ADH6: variants seen among roughly 807,000 people sequenced by gnomAD.
The protein encoded by ADH6 is alcohol dehydrogenase 6.
In ADH6, 34 loss-of-function variants were observed where a neutral mutation model predicts 36.5. The ratio of observed to expected loss-of-function variants is 0.93; its 90% CI spans 0.71 to 1.24. The LOEUF (loss-of-function observed/expected upper bound fraction) is 1.24. ADH6 is among the 50% of genes most tolerant of loss of function. ADH6 has a pLI of 0.00. For synonymous variants in ADH6, 161 were observed against 155.5 expected (o/e 1.04, Z -0.26); for missense variants, 440 against 447.0 (o/e 0.98, Z 0.14).
intron 7 of ADH6, among the ~76,000 whole-genome samples, chr4:99,206,776 T>C (rs769238920): frequency 2.0e-5 from 3 of 152,102 alleles, no homozygotes; most frequent in Non-Finnish European, 2.9e-5. Flanking sequence ...AATACATTTC[T>C]TCGTAAATTT....
At chr4:99,207,408 T>C in intron 7 of ADH6, 38 bp downstream of exon 7, 7 of 1,610,498 alleles carry the variant, frequency 4.3e-6, no homozygotes, top group Non-Finnish European at 5.9e-6. Context: ...CACCTTCACC[T>C]CCTCAGGCAT....
chr4:99,208,205 A>C (rs1446398777), intron 6 of ADH6, among the ~76,000 whole-genome samples: 1 of 152,134 alleles, frequency 6.6e-6, no homozygotes, highest in Non-Finnish European at 1.5e-5. Context: ...TCAAATCCCC[A>C]AAGAAAACAA....
Position 99,208,824 on chromosome 4 carries a change from A to T in ADH6, c.672T>A (p.Asp224Glu), listed in dbSNP as rs1393297024. The stretch of plus-strand genomic sequence containing the variant: ...CCTTCTTAAATTTCTCCTTGTTGAC[A>T]TCCACTCCAATGATCCTGGCTGCTC... ...AAGAARIIGV[D>E]VNKEKFKKAQ... The change falls in exon 6 of 9, where the codon GAT becomes GAA. Residue 224 changes from aspartate (D) to glutamate (E), a missense_variant. Physicochemically the swap from Asp to Glu is conservative, Grantham distance 45. Coordinates refer to ENST00000394899, the MANE Select transcript of ADH6 (RefSeq NM_001102470.2). 3 of 1,613,754 alleles carry T rather than the reference A, an allele frequency of 1.9e-6. No homozygotes were observed. The highest frequency in any genetic ancestry group is 2.5e-6 in the Non-Finnish European group (3 of 1,179,816).
chr4:99,214,632 A>T (rs979204826), intron 2 of ADH6, among the ~76,000 whole-genome samples: 1 of 152,152 alleles, frequency 6.6e-6, no homozygotes, highest in Non-Finnish European at 1.5e-5. Flanking sequence ...AGCTGTGTGA[A>T]CTTGGGGGTA....
rs566691466 is a variant in ADH6 at position 99,209,106 on chromosome 4, A to G, written c.568-178T>C. Reference sequence around the variant, plus strand: ...TTTGATTTTTCAAAAATATTTCTAGATATGGAATACTCTTGGCACAGGAAC... The same window carrying G: ...TTTGATTTTTCAAAAATATTTCTAGGTATGGAATACTCTTGGCACAGGAAC... On this transcript the variant is annotated intron_variant, in intron 5 of 8. Transcript: ENST00000394899. Among the ~76,000 whole-genome samples, 6 of 152,318 alleles carry G rather than the reference A, an allele frequency of 3.9e-5. No individual in the cohort carries two copies. The South Asian group carries it at 1.0e-3, about 26-fold the overall frequency.
At position 99,210,134 on chromosome 4, in the gene ADH6, A is replaced by C. The variant is rs56710682; in HGVS notation, c.515T>G (p.Leu172Arg). The C allele has an allele frequency of 4.9e-4, 783 of 1,613,820 alleles. No homozygotes were observed. The highest frequency in any genetic ancestry group is 6.2e-4 in the Non-Finnish European group (731 of 1,179,788). Reference sequence around the variant, plus strand: ...CCCAGTGGAAAAGCCACAGCTAATTAGGCATACTTTCTCTAGAGGAGCGAC... The same window carrying C: ...CCCAGTGGAAAAGCCACAGCTAATTCGGCATACTTTCTCTAGAGGAGCGAC... ...DAVAPLEKVCLISCGFSTGFG... is the reference protein window; with the variant it reads ...DAVAPLEKVCRISCGFSTGFG... The change falls in exon 5 of 9, where the codon CTA (leucine) becomes CGA (arginine). Residue 172 changes from leucine to arginine, a missense_variant. By Grantham distance (102) the Leu-to-Arg change is moderately radical. Transcript: ENST00000394899.
At chr4:99,209,581 G>C (rs903036335) in intron 5 of ADH6, among the ~76,000 whole-genome samples, 9 of 151,966 alleles carry the variant, frequency 5.9e-5, no homozygotes, top group African/African-American at 2.2e-4. Flanking sequence ...GGATCCCCTG[G>C]TCAATCTGTC....
At chr4:99,216,135 AT>A (rs34008565) in intron 2 of ADH6, 25 bp downstream of exon 2, 177,452 of 858,914 alleles carry the variant, frequency 0.21, 971 homozygotes, top group Non-Finnish European at 0.23. Flanking sequence ...TTTTGGTGTG[AT>A]TTTTTTTTTT....
intron 5 of ADH6, among the ~76,000 whole-genome samples, chr4:99,209,494 C>G (rs1352993401): frequency 6.6e-6 from 1 of 152,008 alleles, no homozygotes; most frequent in African/African-American, 2.4e-5. Flanking sequence ...TCAACAGCAC[C>G]TTTAGGAAGG....
chr4:99,215,600 G>C (rs987581120), intron 2 of ADH6, among the ~76,000 whole-genome samples: 9 of 152,148 alleles, frequency 5.9e-5, no homozygotes, highest in Non-Finnish European at 1.3e-4. Flanking sequence ...TCCTGCCTCT[G>C]CCTCCCAGAG....
intron 1 of ADH6, among the ~76,000 whole-genome samples, chr4:99,218,436 C>T (rs371293977): frequency 6.6e-6 from 1 of 152,200 alleles, no homozygotes; most frequent in South Asian, 2.1e-4. Context: ...TTACCACCTT[C>T]GAAATCACCT....
intron 6 of ADH6, among the ~76,000 whole-genome samples, chr4:99,208,202 C>T (rs1053963930): frequency 4.6e-5 from 7 of 152,032 alleles, no homozygotes; most frequent in South Asian, 2.1e-4. Flanking sequence ...TCTTCAAATC[C>T]CCAAAGAAAA....
At position 99,210,178 on chromosome 4, in the gene ADH6, T is replaced by C. The variant is rs1731172741; in HGVS notation, c.471A>G (p.Ser157=). 1 of 1,613,052 alleles carries C rather than the reference T, an allele frequency of 6.2e-7. No individual in the cohort carries two copies. The highest frequency in any genetic ancestry group is 1.7e-5 in the Admixed American group (1 of 59,958). The change falls in exon 5 of 9, where the codon TCA becomes TCG. Residue 157 remains serine, a synonymous_variant. Transcript: ENST00000394899. The stretch of plus-strand genomic sequence containing the variant: ...GAGCGACTGCATCAATCTTGGCAAC[T>C]GAGATTTCCTTTATCACTGTGTATT... ...FCEYTVIKEI[S]VAKIDAVAPL...
At chr4:99,216,410 G>T in intron 1 of ADH6, 148 bp from the exon 2 acceptor site, 1 of 431,234 alleles carries the variant, frequency 2.3e-6, no homozygotes. Context: ...TATGCTGAAG[G>T]TAGTCTTTCT....
At chr4:99,215,382 T>C (rs1339452644) in intron 2 of ADH6, among the ~76,000 whole-genome samples, 1 of 152,200 alleles carries the variant, frequency 6.6e-6, no homozygotes, top group Non-Finnish European at 1.5e-5. Flanking sequence ...GTAAACTATT[T>C]TCTAGTTTGG....
At chr4:99,219,009 T>C (rs572737416) in intron 1 of ADH6, 126 bp downstream of exon 1, 2 of 877,636 alleles carry the variant, frequency 2.3e-6, no homozygotes, top group Non-Finnish European at 3.7e-6. Flanking sequence ...GGAGAGATAC[T>C]ATGATTATGA....
At chr4:99,206,000 A>G (rs1579440120) in intron 7 of ADH6, among the ~76,000 whole-genome samples, 3 of 152,184 alleles carry the variant, frequency 2.0e-5, no homozygotes, top group South Asian at 4.2e-4. Flanking sequence ...TTACTGTTCT[A>G]TGTCATGACA....
chr4:99,202,981 G>T lies in ADH6; in HGVS notation c.*1238C>A. The T allele has an allele frequency of 5.1e-6, 2 of 393,832 alleles. No homozygotes were observed. Among genetic ancestry groups the T allele is most frequent in the Non-Finnish European group, 9.0e-6 (2 of 223,280 alleles). The allele number at this position is 393,832 out of a possible 1,614,324, so 24.4% of individuals were successfully genotyped here. ...ATGCCCAACTCATAAGAATCAGACTGTTATGAGAGTCCTTTGATATCATGT... is the reference window on the plus strand; with the variant it reads ...ATGCCCAACTCATAAGAATCAGACTTTTATGAGAGTCCTTTGATATCATGT... On this transcript the variant is annotated 3_prime_UTR_variant, in exon 9 of 9. Coordinates refer to ENST00000394899, the MANE Select transcript of ADH6 (RefSeq NM_001102470.2).
Position 99,204,949 on chromosome 4 carries a change from A to C in ADH6, c.1079T>G (p.Val360Gly), listed in dbSNP as rs139932440. The change falls in exon 8 of 9, where the codon GTT becomes GGT. Residue 360 changes from valine (V) to glycine (G), a missense_variant. By Grantham distance (109) the Val-to-Gly change is moderately radical. Coordinates refer to ENST00000394899, the MANE Select transcript of ADH6 (RefSeq NM_001102470.2). ...CCATTTTCCAGTTTTCATTAATTCA[A>C]CTGCTTCATTGATTTTATCAAGATT... is the stretch of plus-strand genomic sequence containing the variant. ...TLNLDKINEA[V>G]ELMKTGKCIR... is the part of the protein sequence containing the mutation. The C allele has an allele frequency of 3.1e-6, 5 of 1,608,722 alleles. No homozygotes were observed. Among genetic ancestry groups the C allele is most frequent in the Non-Finnish European group, 4.2e-6 (5 of 1,178,000 alleles).
Sources: gnomAD v4.1 joint callset for allele counts (sites outside exome capture counted in the v4.1 genomes callset) on GRCh38, gnomAD v4.1.1 for gene constraint, MANE v1.5 for transcripts, NCBI Gene and HGNC (gene_info 2026-07-23, HGNC 2026-07-21) for gene names.